The following FHIT variants were observed in gnomAD, a reference collection of about 807,000 sequenced individuals.
The protein encoded by FHIT is bis(5'-adenosyl)-triphosphatase.
Under a neutral mutation model 17.9 loss-of-function variants are expected in FHIT, and 19 were observed. That is an observed-to-expected ratio of 1.06 (90% CI 0.74 to 1.56). The LOEUF is 1.56. FHIT is among the 40% of genes most tolerant of loss of function. The pLI, the probability that FHIT is intolerant of heterozygous loss-of-function variation, is 0.00. For missense variants in FHIT, 248 were observed against 189.2 expected (o/e 1.31, Z -1.82); for synonymous variants, 81 against 69.7 (o/e 1.16, Z -0.81).
chr3:60,690,291 C>T (rs1553699279), intron 4 of FHIT: 1 of 555,638 alleles, frequency 1.8e-6, no homozygotes, highest in African/African-American at 1.9e-5. Context: ...ACACAAAGCG[C>T]TCCATGGCCT....
intron 5 of FHIT, among the ~76,000 whole-genome samples, chr3:60,430,285 T>C (rs568005372): frequency 2.0e-5 from 3 of 152,210 alleles, no homozygotes; most frequent in East Asian, 3.9e-4. Flanking sequence ...TACTAGCACT[T>C]AACACTGTGT....
chr3:60,253,291 A>G (rs1705820965), intron 5 of FHIT, among the ~76,000 whole-genome samples: 1 of 152,198 alleles, frequency 6.6e-6, no homozygotes, highest in South Asian at 2.1e-4. Context: ...GATATTCTGA[A>G]TCGACATTGT....
At chr3:60,545,338 T>C (rs2036325522) in intron 4 of FHIT, among the ~76,000 whole-genome samples, 1 of 152,216 alleles carries the variant, frequency 6.6e-6, no homozygotes. Flanking sequence ...CTTTTATGAA[T>C]TATTTTTACT....
At chr3:61,114,854 G>T (rs1576040279) in intron 2 of FHIT, among the ~76,000 whole-genome samples, 1 of 152,082 alleles carries the variant, frequency 6.6e-6, no homozygotes, top group East Asian at 1.9e-4. Flanking sequence ...ATTAAGCTGG[G>T]GGCTTCCCAC....
intron 3 of FHIT, among the ~76,000 whole-genome samples, chr3:60,879,482 C>T (rs1704853955): frequency 1.3e-5 from 2 of 152,116 alleles, no homozygotes; most frequent in African/African-American, 2.4e-5. Context: ...AATGCATAGA[C>T]ATTGATGTAG....
At chr3:60,615,275 A>C (rs782098401) in intron 4 of FHIT, among the ~76,000 whole-genome samples, 3 of 152,158 alleles carry the variant, frequency 2.0e-5, no homozygotes, top group Non-Finnish European at 4.4e-5. Flanking sequence ...AATATCAGAC[A>C]CCAATAATTT....
At chr3:60,684,078 C>T (rs2040809386) in intron 4 of FHIT, among the ~76,000 whole-genome samples, 1 of 152,130 alleles carries the variant, frequency 6.6e-6, no homozygotes, top group South Asian at 2.1e-4. Context: ...TTATTATCTT[C>T]TTCACTGTGG....
chr3:59,754,862 G>C (rs1701124830), intron 8 of FHIT, among the ~76,000 whole-genome samples: 1 of 152,130 alleles, frequency 6.6e-6, no homozygotes, highest in Admixed American at 6.6e-5. Context: ...AAAAGCCCCA[G>C]ATGGAAGCAT....
chr3:61,163,804 CCT>C (rs2037762103), intron 2 of FHIT, among the ~76,000 whole-genome samples: 1 of 152,112 alleles, frequency 6.6e-6, no homozygotes, highest in Non-Finnish European at 1.5e-5. Context: ...TACAAGTTTC[CCT>C]GTTTCTTTGA....
intron 7 of FHIT, among the ~76,000 whole-genome samples, chr3:59,936,959 T>C (rs1452132802): frequency 6.6e-6 from 1 of 152,082 alleles, no homozygotes; most frequent in Non-Finnish European, 1.5e-5. Flanking sequence ...AACCAGAAAT[T>C]TGGGGAAGGT....
At chr3:60,542,179 C>T (rs1025649224) in intron 4 of FHIT, among the ~76,000 whole-genome samples, 4 of 152,162 alleles carry the variant, frequency 2.6e-5, no homozygotes, top group Non-Finnish European at 4.4e-5. Flanking sequence ...AGAAATTTAT[C>T]CATGTTGCCA....
chr3:60,803,155 C>G (rs2106673930), intron 4 of FHIT, among the ~76,000 whole-genome samples: 1 of 152,242 alleles, frequency 6.6e-6, no homozygotes, highest in South Asian at 2.1e-4. Context: ...GGGCAAAGGG[C>G]TGAGTTTCAA....
At chr3:60,117,934 G>A (rs1363739636) in intron 5 of FHIT, among the ~76,000 whole-genome samples, 1 of 152,126 alleles carries the variant, frequency 6.6e-6, no homozygotes, top group Non-Finnish European at 1.5e-5. Flanking sequence ...GTGAAAATCA[G>A]GTCTGGTTGT....
At chr3:60,847,562 C>T (rs1333069838) in intron 3 of FHIT, among the ~76,000 whole-genome samples, 1 of 152,134 alleles carries the variant, frequency 6.6e-6, no homozygotes, top group African/African-American at 2.4e-5. Flanking sequence ...CCTATCAACT[C>T]TCCCAGGAAA....
At chr3:60,148,033 T>C (rs1437632233) in intron 5 of FHIT, among the ~76,000 whole-genome samples, 1 of 152,158 alleles carries the variant, frequency 6.6e-6, no homozygotes, top group East Asian at 1.9e-4. Flanking sequence ...TGGGATGTGC[T>C]AGATTAATGG....
At chr3:60,784,958 T>C (rs1443661802) in intron 4 of FHIT, among the ~76,000 whole-genome samples, 1 of 151,878 alleles carries the variant, frequency 6.6e-6, no homozygotes, top group African/African-American at 2.4e-5. Context: ...CCTCCAGCAT[T>C]GTGAGACAGA....
intron 8 of FHIT, among the ~76,000 whole-genome samples, chr3:59,875,594 C>T (rs1301670895): frequency 6.6e-6 from 1 of 152,100 alleles, no homozygotes; most frequent in Admixed American, 6.5e-5. Context: ...ATCTAGATAT[C>T]TTTGCTTACA....
At chr3:60,186,720 A>G (rs962900518) in intron 5 of FHIT, among the ~76,000 whole-genome samples, 1 of 152,164 alleles carries the variant, frequency 6.6e-6, no homozygotes, top group African/African-American at 2.4e-5. Flanking sequence ...TGATAAAGCT[A>G]AGGTTGGGAA....
At chr3:60,943,884 C>G (rs1205653897) in intron 3 of FHIT, among the ~76,000 whole-genome samples, 1 of 152,220 alleles carries the variant, frequency 6.6e-6, no homozygotes, top group Middle Eastern at 3.4e-3. Context: ...TATTTCTTTA[C>G]CTATAACATG....
Sources: gnomAD v4.1 joint callset for allele counts (sites outside exome capture counted in the v4.1 genomes callset) on GRCh38, gnomAD v4.1.1 for gene constraint, MANE v1.5 for transcripts, NCBI Gene and HGNC (gene_info 2026-07-23, HGNC 2026-07-21) for gene names.